Variants in PLCL2 observed in about 807,000 individuals in gnomAD.
PLCL2 encodes the protein phospholipase C like 2, also known as inactive phospholipase C-like protein 2.
Under a neutral mutation model 79.6 loss-of-function variants are expected in PLCL2, and 4 were observed. That is an observed-to-expected ratio of 0.05 (90% CI 0.02 to 0.11). The LOEUF is 0.11. PLCL2 is among the 10% of genes least tolerant of loss of function. PLCL2 has a pLI of 1.00. For synonymous variants in PLCL2, 484 were observed against 457.7 expected (o/e 1.06, Z -0.73); for missense variants, 895 against 1,291.0 (o/e 0.69, Z 4.70).
At chr3:17,043,600 C>G (rs184978418) in intron 4 of PLCL2, among the ~76,000 whole-genome samples, 13 of 150,564 alleles carry the variant, frequency 8.6e-5, no homozygotes, top group Admixed American at 7.3e-4. Context: ...TTGGGAGATT[C>G]TATTATGGAG....
At chr3:17,026,475 A>G (rs1170382196) in intron 3 of PLCL2, among the ~76,000 whole-genome samples, 1 of 152,206 alleles carries the variant, frequency 6.6e-6, no homozygotes, top group Non-Finnish European at 1.5e-5. Context: ...TTTGAAATCA[A>G]TGTTGATCAT....
intron 4 of PLCL2, among the ~76,000 whole-genome samples, chr3:17,051,622 A>G (rs1195209964): frequency 1.3e-5 from 2 of 152,040 alleles, no homozygotes; most frequent in African/African-American, 4.8e-5. Flanking sequence ...GGATAGGCTA[A>G]CTCTACTGTT....
chr3:16,898,296 T>C (rs915101248), intron 1 of PLCL2, among the ~76,000 whole-genome samples: 1 of 151,970 alleles, frequency 6.6e-6, no homozygotes, highest in Non-Finnish European at 1.5e-5. Context: ...GGAGAGAAAA[T>C]CTACAGCCTT....
At position 16,949,268 on chromosome 3, in the gene PLCL2, A is replaced by G. The variant is rs939111811; in HGVS notation, c.328-60406A>G. On this transcript the variant is annotated intron_variant, in intron 1 of 5. Coordinates refer to ENST00000615277, the MANE Select transcript of PLCL2 (RefSeq NM_001144382.2). ...TTCGATACTGCCAGGTTATCCTCTC[A>G]CAGGTGCCACTGCGCTCTCCCTCTG... is the stretch of plus-strand genomic sequence containing the variant. 2.6e-5 allele frequency among the ~76,000 whole-genome samples: 4 copies of G among 151,792 alleles called. No homozygotes were observed. The South Asian group carries it at 8.4e-4, about 32-fold the overall frequency.
chr3:16,959,384 G>A (rs2063734379), intron 1 of PLCL2, among the ~76,000 whole-genome samples: 2 of 152,078 alleles, frequency 1.3e-5, no homozygotes, highest in African/African-American at 2.4e-5. Flanking sequence ...AAGGTCTCTT[G>A]TTCATTATTT....
intron 4 of PLCL2, among the ~76,000 whole-genome samples, chr3:17,062,329 G>A (rs1178557291): frequency 6.6e-6 from 1 of 152,168 alleles, no homozygotes; most frequent in Non-Finnish European, 1.5e-5. Flanking sequence ...TGTATATTCT[G>A]ACTGCGAAAT....
intron 5 of PLCL2, among the ~76,000 whole-genome samples, chr3:17,068,474 A>G (rs1372538719): frequency 6.6e-6 from 1 of 152,254 alleles, no homozygotes; most frequent in Admixed American, 6.5e-5. Flanking sequence ...TAATGTTCAT[A>G]TGATCCCAGA....
chr3:17,077,074 C>A (rs887031860), intron 5 of PLCL2, among the ~76,000 whole-genome samples: 2 of 152,238 alleles, frequency 1.3e-5, no homozygotes, highest in Non-Finnish European at 2.9e-5. Context: ...GAACTCCACA[C>A]TCTGTCTTCT....
chr3:16,893,148 A>G (rs1360060837), intron 1 of PLCL2, among the ~76,000 whole-genome samples: 2 of 152,204 alleles, frequency 1.3e-5, no homozygotes, highest in African/African-American at 4.8e-5. Context: ...TCGTGCCTCA[A>G]GTTTCTGTCT....
intron 1 of PLCL2, among the ~76,000 whole-genome samples, chr3:16,914,852 C>T (rs1696957854): frequency 6.6e-6 from 1 of 152,062 alleles, no homozygotes; most frequent in Non-Finnish European, 1.5e-5. Context: ...TCCTCAGCCT[C>T]CTGAGTTGCT....
intron 5 of PLCL2, among the ~76,000 whole-genome samples, chr3:17,085,475 A>G (rs1361932638): frequency 2.0e-5 from 3 of 148,982 alleles, no homozygotes; most frequent in African/African-American, 7.5e-5. Context: ...TGTGAGACAG[A>G]GTGTCGCTCT....
chr3:17,054,410 T>C (rs982985258), intron 4 of PLCL2, among the ~76,000 whole-genome samples: 5 of 152,132 alleles, frequency 3.3e-5, no homozygotes, highest in Non-Finnish European at 7.3e-5. Flanking sequence ...TTTTCTGAGC[T>C]CTCCAAACTG....
At chr3:17,042,817 T>C in intron 3 of PLCL2, 57 bp from the exon 4 acceptor site, 1 of 1,209,640 alleles carries the variant, frequency 8.3e-7, no homozygotes, top group Non-Finnish European at 1.2e-6. Flanking sequence ...TGTGCATGAA[T>C]GCAGGAGGGG....
At chr3:17,040,349 A>G (rs1207506854) in intron 3 of PLCL2, among the ~76,000 whole-genome samples, 1 of 152,222 alleles carries the variant, frequency 6.6e-6, no homozygotes, top group Non-Finnish European at 1.5e-5. Context: ...TGGAAGGTGC[A>G]TAATTATTTA....
At chr3:17,062,881 T>C (rs1256555503) in intron 4 of PLCL2, among the ~76,000 whole-genome samples, 2 of 152,120 alleles carry the variant, frequency 1.3e-5, no homozygotes, top group Non-Finnish European at 2.9e-5. Context: ...TGGGAATTCT[T>C]GTCACTATCC....
intron 3 of PLCL2, among the ~76,000 whole-genome samples, chr3:17,015,342 A>G (rs775929411): frequency 4.6e-5 from 7 of 152,216 alleles, no homozygotes; most frequent in Non-Finnish European, 8.8e-5. Flanking sequence ...CCTGTATCAC[A>G]TGACTCTGCA....
chr3:17,043,320 A>G (rs537483344), intron 4 of PLCL2, among the ~76,000 whole-genome samples: 5 of 152,326 alleles, frequency 3.3e-5, no homozygotes, highest in African/African-American at 1.2e-4. Flanking sequence ...AGGATAGGTA[A>G]GGCTTGAGTA....
At chr3:17,041,935 C>T (rs1391534514) in intron 3 of PLCL2, among the ~76,000 whole-genome samples, 2 of 151,164 alleles carry the variant, frequency 1.3e-5, no homozygotes, top group Admixed American at 6.6e-5. Context: ...CAGAACAGAC[C>T]GTGTCTCTTA....
intron 4 of PLCL2, among the ~76,000 whole-genome samples, chr3:17,055,215 G>A (rs2124932207): frequency 6.6e-6 from 1 of 152,242 alleles, no homozygotes. Flanking sequence ...GAAATCCACA[G>A]CATCTTTTCT....
Sources: allele counts gnomAD v4.1 joint callset (sites outside exome capture counted in the v4.1 genomes callset), GRCh38; gene constraint gnomAD v4.1.1; transcripts MANE v1.5; gene names NCBI Gene and HGNC (gene_info 2026-07-23, HGNC 2026-07-21).